The following PPIL4 variants were observed in gnomAD, a reference collection of about 807,000 sequenced individuals.
The protein encoded by PPIL4 is peptidyl-prolyl cis-trans isomerase-like 4.
Under a neutral mutation model 69.1 loss-of-function variants are expected in PPIL4, and 50 were observed. The ratio of observed to expected loss-of-function variants is 0.72; its 90% CI spans 0.58 to 0.92. The LOEUF is 0.92. Ranked by LOEUF, PPIL4 falls within the 40% of genes least tolerant of loss-of-function variation. The probability of loss-of-function intolerance (pLI) is 0.00; values close to 1 mark genes in which losing one functional copy is unlikely to be tolerated. For synonymous variants in PPIL4, 193 were observed against 191.6 expected (o/e 1.01, Z -0.06); for missense variants, 480 against 587.9 (o/e 0.82, Z 1.90).
Position 149,545,865 on chromosome 6 carries a change from G to C in PPIL4, c.70+71C>G. On this transcript the variant is annotated intron_variant, in intron 1 of 12. Transcript: ENST00000253329. ...CTCTAGCCAATCTCTGCCCTGGACT[G>C]CGCAGAGAAGGGAAAGTAGGGAGAC... 7 of 1,399,862 alleles carry C rather than the reference G, an allele frequency of 5.0e-6. No homozygotes were observed. The South Asian group carries it at 8.6e-5, about 17-fold the overall frequency. 86.7% of individuals were successfully genotyped at this position (1,399,862 alleles called of 1,614,324 possible).
At chr6:149,524,571 AAG>A (rs1205121269) in intron 9 of PPIL4, among the ~76,000 whole-genome samples, 5 of 152,200 alleles carry the variant, frequency 3.3e-5, no homozygotes, top group Admixed American at 2.0e-4. Flanking sequence ...GGGAAAAATT[AAG>A]AGTCTCTGAA....
At chr6:149,539,959 G>A (rs1263835833) in intron 4 of PPIL4, among the ~76,000 whole-genome samples, 3 of 151,996 alleles carry the variant, frequency 2.0e-5, no homozygotes, top group Non-Finnish European at 4.4e-5. Context: ...GCAAAACCCT[G>A]TCTCTACGAA....
intron 7 of PPIL4, among the ~76,000 whole-genome samples, chr6:149,528,669 T>C (rs537246334): frequency 1.6e-4 from 25 of 152,308 alleles, no homozygotes; most frequent in African/African-American, 5.8e-4. Flanking sequence ...TCATTGCTGG[T>C]AGGAATGTAA....
At chr6:149,537,669 G>A (rs1777298481) in intron 4 of PPIL4, among the ~76,000 whole-genome samples, 1 of 151,366 alleles carries the variant, frequency 6.6e-6, no homozygotes. Flanking sequence ...TTGCGCCACT[G>A]CACTCCAGCC....
intron 7 of PPIL4, among the ~76,000 whole-genome samples, chr6:149,527,534 G>T (rs1354442875): frequency 1.3e-5 from 2 of 151,934 alleles, no homozygotes; most frequent in African/African-American, 4.8e-5. Context: ...TTTTTTAAAG[G>T]ATAAGAATTT....
intron 1 of PPIL4, 146 bp from the exon 2 acceptor site, chr6:149,541,732 C>A: frequency 1.9e-6 from 1 of 533,412 alleles, no homozygotes; most frequent in Non-Finnish European, 3.4e-6. Context: ...GGGCAATAGG[C>A]CGGGCGCTGG....
At chr6:149,516,209 C>T (rs1406370872) in intron 11 of PPIL4, among the ~76,000 whole-genome samples, 3 of 152,140 alleles carry the variant, frequency 2.0e-5, no homozygotes, top group Admixed American at 1.3e-4. Context: ...CCATTCATAA[C>T]TTTTATGATT....
chr6:149,508,612 G>A (rs970296982), intron 12 of PPIL4, among the ~76,000 whole-genome samples: 33 of 152,210 alleles, frequency 2.2e-4, no homozygotes, highest in African/African-American at 7.5e-4. Context: ...TCACTAAAAT[G>A]ACAGAAAAAG....
chr6:149,508,957 A>G (rs1274698535), intron 12 of PPIL4, among the ~76,000 whole-genome samples: 3 of 152,192 alleles, frequency 2.0e-5, no homozygotes, highest in Non-Finnish European at 4.4e-5. Context: ...AGTACTGAAA[A>G]TTCTCTTTAA....
chr6:149,538,264 CAA>C (rs879442295), intron 4 of PPIL4, among the ~76,000 whole-genome samples: 1 of 137,984 alleles, frequency 7.2e-6, no homozygotes. Flanking sequence ...GAATCTGTCT[CAA>C]AAAAAAAAAA....
rs541196367 is a variant in PPIL4, at chr6:149,526,554, C to G, written c.803+98G>C. On this transcript the variant is annotated intron_variant, in intron 8 of 12. Coordinates refer to ENST00000253329, the MANE Select transcript of PPIL4 (RefSeq NM_139126.4). ...TGTAAAAATTCACCAGTACAAAATT[C>G]GCCTAGAATTCACAGAATCATCAAA... 1.5e-4 allele frequency: 167 copies of G among 1,144,518 alleles called. 2 individuals are homozygous for G. The East Asian group carries it at 3.9e-3, about 27-fold the overall frequency. 70.9% of individuals were successfully genotyped at this position (1,144,518 alleles called of 1,614,324 possible).
At chr6:149,508,244 A>G (rs1235785523) in intron 12 of PPIL4, among the ~76,000 whole-genome samples, 4 of 152,150 alleles carry the variant, frequency 2.6e-5, no homozygotes, top group African/African-American at 9.7e-5. Flanking sequence ...AACCAAATAA[A>G]TGTTAAAATT....
intron 12 of PPIL4, among the ~76,000 whole-genome samples, chr6:149,506,966 C>T (rs1776779675): frequency 6.6e-6 from 1 of 152,122 alleles, no homozygotes; most frequent in Admixed American, 6.6e-5. Flanking sequence ...GAATCCTTTG[C>T]CCCAAAGATA....
intron 7 of PPIL4, among the ~76,000 whole-genome samples, chr6:149,531,815 G>A (rs1010868443): frequency 6.6e-6 from 1 of 151,978 alleles, no homozygotes; most frequent in East Asian, 1.9e-4. Context: ...GATTACAGCC[G>A]CATGCCTCTA....
chr6:149,533,355 T>A (rs1260006118), intron 7 of PPIL4, 103 bp downstream of exon 7: 2 of 674,082 alleles, frequency 3.0e-6, no homozygotes, highest in Non-Finnish European at 5.1e-6. Context: ...AAATCATAAC[T>A]CAATTTTTAA....
intron 1 of PPIL4, among the ~76,000 whole-genome samples, chr6:149,543,614 T>C (rs559574634): frequency 8.5e-5 from 13 of 152,312 alleles, no homozygotes; most frequent in Middle Eastern, 3.4e-3. Context: ...CTCTTTCCTT[T>C]AGTATTTTTC....
intron 10 of PPIL4, among the ~76,000 whole-genome samples, chr6:149,519,341 CT>C (rs940567835): frequency 3.3e-5 from 5 of 152,130 alleles, no homozygotes; most frequent in African/African-American, 1.2e-4. Flanking sequence ...TAAACTAGCT[CT>C]TTGGAAGCAG....
intron 4 of PPIL4, among the ~76,000 whole-genome samples, chr6:149,539,714 C>T (rs1777332048): frequency 6.6e-6 from 1 of 152,208 alleles, no homozygotes; most frequent in Admixed American, 6.5e-5. Context: ...ACAGTCACCC[C>T]AACCTTCAGC....
At position 149,545,950 on chromosome 6, in the gene PPIL4, TC is replaced by T. The variant is rs1312281273; in HGVS notation, c.55del (p.Glu19LysfsTer8). ...TCAAGCCTCACCACGCGGCCGTTCT[TC>T]GGTGTACAAGTCGATGACGACGTCG... ...LGDVVIDLYT[E>X]ERPRACLNFL... On this transcript the variant is annotated frameshift_variant, in exon 1 of 13. Coordinates refer to ENST00000253329, the MANE Select transcript of PPIL4 (RefSeq NM_139126.4). LOFTEE classifies it high-confidence loss of function. 1 of 1,589,790 alleles carries T rather than the reference TC, an allele frequency of 6.3e-7. No individual in the cohort carries two copies. The highest frequency in any genetic ancestry group is 2.3e-5 in the East Asian group (1 of 43,922).
Sources: allele counts gnomAD v4.1 joint callset (sites outside exome capture counted in the v4.1 genomes callset), GRCh38; gene constraint gnomAD v4.1.1; transcripts MANE v1.5; gene names NCBI Gene and HGNC (gene_info 2026-07-23, HGNC 2026-07-21).